The following SLC60A1 variants were observed in gnomAD, a reference collection of about 807,000 sequenced individuals.
SLC60A1 encodes solute carrier family 60 member 1, also known as major facilitator superfamily domain containing 4.
chr1:205,586,637 C>T, the SLC60A1 span, among the ~76,000 whole-genome samples: 526 of 151,602 alleles, frequency 3.5e-3, 3 homozygotes, highest in African/African-American at 0.012. Context: ...CCACAACCGT[C>T]GGAATCACTG....
chr1:205,598,822 A>C, the SLC60A1 span: 9 of 382,652 alleles, frequency 2.4e-5, no homozygotes, highest in Admixed American at 3.4e-4. Flanking sequence ...ATGGGTATAG[A>C]AACACCTAGT....
At chr1:205,600,226 CA>C in the SLC60A1 span, 1 of 569,160 alleles carries the variant, frequency 1.8e-6, no homozygotes, top group Non-Finnish European at 3.1e-6. Flanking sequence ...ACAGCAGTCT[CA>C]GGAAACTGCC....
chr1:205,584,218 ATTTTTTT>A, the SLC60A1 span: 17 of 794,044 alleles, frequency 2.1e-5, no homozygotes, highest in East Asian at 6.3e-5. Context: ...ATCACAGGTG[ATTTTTTT>A]TTTTTTTTTT....
At chr1:205,584,547 T>A in the SLC60A1 span, among the ~76,000 whole-genome samples, 501 of 92,882 alleles carry the variant, frequency 5.4e-3, no homozygotes, top group African/African-American at 0.016. Context: ...CTTTTTTTTT[T>A]TAAAAAAAAA....
chr1:205,569,302 G>A, the SLC60A1 span: 1 of 1,511,000 alleles, frequency 6.6e-7, no homozygotes, highest in South Asian at 1.2e-5. Flanking sequence ...AAAAGGACGT[G>A]AGTGCCGCGC....
the SLC60A1 span, among the ~76,000 whole-genome samples, chr1:205,587,419 C>T: frequency 1.3e-5 from 2 of 152,038 alleles, no homozygotes; most frequent in African/African-American, 4.8e-5. Flanking sequence ...GATTTGACCT[C>T]GTGCCAGTTG....
the SLC60A1 span, among the ~76,000 whole-genome samples, chr1:205,590,639 G>A: frequency 2.0e-5 from 3 of 152,158 alleles, no homozygotes; most frequent in African/African-American, 7.2e-5. Flanking sequence ...TCCCAGGATC[G>A]GCTCCCAACC....
chr1:205,582,789 G>T, the SLC60A1 span, among the ~76,000 whole-genome samples: 2 of 152,188 alleles, frequency 1.3e-5, no homozygotes, highest in African/African-American at 4.8e-5. Flanking sequence ...GTGCAGAAAG[G>T]CTCCCAAGGT....
chr1:205,584,773 C>T, the SLC60A1 span: 3 of 978,604 alleles, frequency 3.1e-6, no homozygotes, highest in East Asian at 2.4e-5. Context: ...TAAGTGGGCC[C>T]CATCCTGCAG....
At chr1:205,580,815 A>C in the SLC60A1 span, 1 of 1,614,118 alleles carries the variant, frequency 6.2e-7, no homozygotes, top group Non-Finnish European at 8.5e-7. This position sits in a 1 kb window ranked among gnomAD's most constrained non-coding sequence, Gnocchi z 5.0. Flanking sequence ...GGCCAGCACC[A>C]CGTAGATGCC....
chr1:205,590,863 G>A, the SLC60A1 span, among the ~76,000 whole-genome samples: 1 of 152,088 alleles, frequency 6.6e-6, no homozygotes, highest in Non-Finnish European at 1.5e-5. Context: ...ACTCATATTT[G>A]TCTGAAGCAC....
chr1:205,600,581 A>T, the SLC60A1 span: 5 of 942,944 alleles, frequency 5.3e-6, no homozygotes, highest in East Asian at 1.3e-4. Context: ...AGTCTTCTCC[A>T]CTAAAACTTG....
At chr1:205,583,825 T>G in the SLC60A1 span, 6 of 1,278,266 alleles carry the variant, frequency 4.7e-6, 1 homozygote, top group South Asian at 1.0e-4. Flanking sequence ...ATGGCTCAGC[T>G]TTTAGCTGGG....
At chr1:205,583,876 A>C in the SLC60A1 span, 3 of 1,508,108 alleles carry the variant, frequency 2.0e-6, no homozygotes, top group Non-Finnish European at 2.7e-6. Flanking sequence ...GACTATGCAC[A>C]TGCAGTGTGT....
At chr1:205,573,351 G>A in the SLC60A1 span, among the ~76,000 whole-genome samples, 3 of 152,068 alleles carry the variant, frequency 2.0e-5, no homozygotes, top group South Asian at 2.1e-4. Flanking sequence ...ACCAGGAGGC[G>A]GAGGTTGCAG....
the SLC60A1 span, among the ~76,000 whole-genome samples, chr1:205,573,335 G>A: frequency 2.6e-5 from 4 of 152,142 alleles, no homozygotes; most frequent in Non-Finnish European, 5.9e-5. Context: ...CAGGAGAATC[G>A]CTTGAACCAG....
At chr1:205,581,074 T>C in the SLC60A1 span, among the ~76,000 whole-genome samples, 1 of 152,108 alleles carries the variant, frequency 6.6e-6, no homozygotes, top group African/African-American at 2.4e-5. The surrounding 1 kb of genome is among the most constrained non-coding windows in gnomAD (Gnocchi z 4.2). Context: ...GGACAAACCC[T>C]CCCCGGGATC....
chr1:205,583,931 C>A, the SLC60A1 span: 63 of 1,607,906 alleles, frequency 3.9e-5, 1 homozygote, highest in Middle Eastern at 7.0e-4. Flanking sequence ...GCAGGGCTCT[C>A]CTGACCCTCT....
chr1:205,577,217 C>G, the SLC60A1 span, among the ~76,000 whole-genome samples: 1 of 152,170 alleles, frequency 6.6e-6, no homozygotes, highest in East Asian at 1.9e-4. This position sits in a 1 kb window ranked among gnomAD's most constrained non-coding sequence, Gnocchi z 5.2. Context: ...ATGATTCTTT[C>G]TCTGCCTCTA....
Sources: gnomAD v4.1 joint callset for allele counts (sites outside exome capture counted in the v4.1 genomes callset) on GRCh38, gnomAD v4.1.1 for gene constraint, Gnocchi (gnomAD v3.1) non-coding constraint, MANE v1.5 for transcripts, NCBI Gene and HGNC (gene_info 2026-07-23, HGNC 2026-07-21) for gene names.